CRYBG1: variants seen among roughly 807,000 people sequenced by gnomAD.
The protein encoded by CRYBG1 is crystallin beta-gamma domain containing 1.
In CRYBG1, 139 loss-of-function variants were observed where a neutral mutation model predicts 189.2. The ratio of observed to expected loss-of-function variants is 0.73; its 90% CI spans 0.64 to 0.85. The LOEUF (loss-of-function observed/expected upper bound fraction) is 0.85, where lower values mean the gene tolerates loss of function less well. Among genes scored for constraint, CRYBG1 ranks in the 40% least tolerant of loss-of-function variants. CRYBG1 has a pLI of 0.00. For synonymous variants in CRYBG1, 1,023 were observed against 1,017.1 expected (o/e 1.01, Z -0.11); for missense variants, 2,611 against 2,675.8 (o/e 0.98, Z 0.53).
chr6:106,566,167 G>GAA lies in CRYBG1; in HGVS notation c.6301+2256_6301+2257dup, dbSNP rs34366986. ...TGCTAGACACGGAGGGCACCAGCGT[G>GAA]AAAAAAAAAAAAAAAAGCCTCCTCC... On this transcript the variant is annotated intron_variant, in intron 21 of 21. Transcript: ENST00000633556. Among the ~76,000 whole-genome samples the GAA allele has an allele frequency of 6.3e-4, 78 of 123,912 alleles. 1 individual carries two copies. The highest frequency in any genetic ancestry group is 1.0e-3 in the African/African-American group (34 of 33,988). The allele number at this position is 123,912 out of a possible 152,430, so 81.3% of individuals were successfully genotyped here.
intron 1 of CRYBG1, among the ~76,000 whole-genome samples, chr6:106,387,871 G>C (rs1274993229): frequency 6.6e-6 from 1 of 152,170 alleles, no homozygotes; most frequent in Non-Finnish European, 1.5e-5. Flanking sequence ...TATCATCCAT[G>C]AACGTCACTC....
At chr6:106,434,293 C>T (rs910546557) in intron 1 of CRYBG1, among the ~76,000 whole-genome samples, 1 of 151,978 alleles carries the variant, frequency 6.6e-6, no homozygotes. Flanking sequence ...GGCGTAAATA[C>T]CAGAAGGTGA....
chr6:106,524,815 A>C (rs1010183918), intron 4 of CRYBG1, among the ~76,000 whole-genome samples: 1 of 152,222 alleles, frequency 6.6e-6, no homozygotes, highest in African/African-American at 2.4e-5. Flanking sequence ...TTTGAATTAG[A>C]ATCTCTTAGC....
At chr6:106,565,334 T>C (rs1235790866) in intron 21 of CRYBG1, among the ~76,000 whole-genome samples, 2 of 136,970 alleles carry the variant, frequency 1.5e-5, no homozygotes, top group Non-Finnish European at 3.2e-5. Flanking sequence ...AAAAAAAAAG[T>C]TGTAGGGACA....
chr6:106,368,738 C>G (rs1251297341), intron 1 of CRYBG1, among the ~76,000 whole-genome samples: 8 of 151,988 alleles, frequency 5.3e-5, no homozygotes. Context: ...AGCAATGACC[C>G]CTCATAACAG....
chr6:106,369,207 G>A (rs1769964790), intron 1 of CRYBG1, among the ~76,000 whole-genome samples: 1 of 152,176 alleles, frequency 6.6e-6, no homozygotes, highest in Non-Finnish European at 1.5e-5. Context: ...CTCTCTCACT[G>A]GCATGTTATA....
intron 1 of CRYBG1, among the ~76,000 whole-genome samples, chr6:106,439,809 C>T (rs898023990): frequency 2.3e-4 from 35 of 151,968 alleles, no homozygotes; most frequent in Non-Finnish European, 3.2e-4. Context: ...TGGTTCTTAG[C>T]TCCTAAAAAG....
Position 106,511,720 on chromosome 6 carries a change from T to C in CRYBG1, c.603T>C (p.Gly201=). 6.5e-7 allele frequency: 1 copy of C among 1,533,006 alleles called. No homozygotes were observed. Among genetic ancestry groups the C allele is most frequent in the Non-Finnish European group, 8.7e-7 (1 of 1,146,036 alleles). 95.0% of individuals were successfully genotyped at this position (1,533,006 alleles called of 1,614,324 possible). ...CAGAGGGCGAGCTCCCCGAGAGCGG[T>C]GGCCCCGCAGCCCCCCCTGACGCCG... ...REAEGELPES[G]GPAAPPDAEL... is the part of the protein sequence containing the mutation. The change falls in exon 3 of 22, where the codon GGT becomes GGC. Residue 201 remains glycine, a synonymous_variant. Coordinates refer to ENST00000633556, the MANE Select transcript of CRYBG1 (RefSeq NM_001371242.2).
At chr6:106,539,251 A>G in intron 8 of CRYBG1, 152 bp from the exon 9 acceptor site, 1 of 794,918 alleles carries the variant, frequency 1.3e-6, no homozygotes, top group Non-Finnish European at 2.0e-6. Context: ...CCTTGAGTCT[A>G]GTGTGATTCT....
At chr6:106,506,522 A>C (rs1158730537) in intron 2 of CRYBG1, among the ~76,000 whole-genome samples, 2 of 127,928 alleles carry the variant, frequency 1.6e-5, no homozygotes, top group Non-Finnish European at 3.1e-5. Flanking sequence ...ATGTGATCTC[A>C]GTTCACTGCA....
chr6:106,428,010 AT>A (rs1771259920), intron 1 of CRYBG1, among the ~76,000 whole-genome samples: 1 of 152,004 alleles, frequency 6.6e-6, no homozygotes, highest in Non-Finnish European at 1.5e-5. Flanking sequence ...CTGTTCAAAC[AT>A]TTTCCTCCTG....
chr6:106,414,232 C>A (rs1411823902), intron 1 of CRYBG1, among the ~76,000 whole-genome samples: 1 of 152,204 alleles, frequency 6.6e-6, no homozygotes, highest in Non-Finnish European at 1.5e-5. Flanking sequence ...TGAATCTTGA[C>A]CTTCTGTGCA....
chr6:106,440,227 A>G (rs1386060593), intron 1 of CRYBG1, among the ~76,000 whole-genome samples: 1 of 149,770 alleles, frequency 6.7e-6, no homozygotes, highest in African/African-American at 2.4e-5. Context: ...CCTTATTTGA[A>G]GCACTTTCCT....
chr6:106,547,627 G>T (rs930955294), intron 13 of CRYBG1, among the ~76,000 whole-genome samples: 1 of 152,192 alleles, frequency 6.6e-6, no homozygotes, highest in Non-Finnish European at 1.5e-5. Context: ...TGGCAATTAA[G>T]TATTTTAGCT....
intron 2 of CRYBG1, among the ~76,000 whole-genome samples, chr6:106,507,733 G>T (rs954567263): frequency 2.6e-5 from 4 of 152,150 alleles, no homozygotes; most frequent in African/African-American, 4.8e-5. Context: ...AACAATTCCT[G>T]GTTGAAAAGA....
At chr6:106,393,762 GC>G (rs1198090509) in intron 1 of CRYBG1, among the ~76,000 whole-genome samples, 1 of 149,084 alleles carries the variant, frequency 6.7e-6, no homozygotes, top group Non-Finnish European at 1.5e-5. Flanking sequence ...TGCAACCTCT[GC>G]CTCCCAGGTT....
At position 106,520,304 on chromosome 6, in the gene CRYBG1, A is replaced by G. The variant is rs1411857966; in HGVS notation, c.3096A>G (p.Pro1032=). The change falls in exon 4 of 22, where the codon CCA becomes CCG. Residue 1032 remains proline, a synonymous_variant. Coordinates refer to ENST00000633556, the MANE Select transcript of CRYBG1 (RefSeq NM_001371242.2). Reference sequence around the variant, plus strand: ...AATCTGGCCCACAAGTCATACCGCCAGCATCAGAGAAAACTCTGCCTATTC... The same window carrying G: ...AATCTGGCCCACAAGTCATACCGCCGGCATCAGAGAAAACTCTGCCTATTC... The part of the protein sequence containing the change: ...AAKSGPQVIP[P]ASEKTLPIQA... 6.2e-7 allele frequency: 1 copy of G among 1,614,196 alleles called. No homozygotes were observed. Among genetic ancestry groups the G allele is most frequent in the East Asian group, 2.2e-5 (1 of 44,886 alleles).
chr6:106,516,277 A>C (rs1773417576), intron 3 of CRYBG1, among the ~76,000 whole-genome samples: 1 of 150,270 alleles, frequency 6.7e-6, no homozygotes, highest in Non-Finnish European at 1.5e-5. Context: ...TCTGTCGCCC[A>C]GGCTGGAGTG....
At chr6:106,448,226 G>C (rs1324977240) in intron 1 of CRYBG1, among the ~76,000 whole-genome samples, 1 of 152,204 alleles carries the variant, frequency 6.6e-6, no homozygotes, top group East Asian at 1.9e-4. Context: ...CAGGTGCACA[G>C]CAGCACTGTC....
Sources: allele counts gnomAD v4.1 joint callset (sites outside exome capture counted in the v4.1 genomes callset), GRCh38; gene constraint gnomAD v4.1.1; transcripts MANE v1.5; gene names NCBI Gene and HGNC (gene_info 2026-07-23, HGNC 2026-07-21).